The following CCDC148 variants were observed in gnomAD, a reference collection of about 807,000 sequenced individuals.
CCDC148 encodes coiled-coil domain containing 148.
A neutral mutation model predicts 85.7 loss-of-function variants in CCDC148; 89 were observed. That is an observed-to-expected ratio of 1.04 (90% confidence interval 0.87 to 1.24). CCDC148 has a LOEUF of 1.24. Among genes scored for constraint, CCDC148 ranks in the 50% most tolerant of loss-of-function variants. The pLI is 0.00. For missense variants in CCDC148, 692 were observed against 671.7 expected, an observed-to-expected ratio of 1.03 and a Z score of -0.33; for synonymous variants, 230 against 213.9, an observed-to-expected ratio of 1.08 and a Z score of -0.66.
At chr2:158,392,462 G>A (rs1685353019) in intron 1 of CCDC148, among the ~76,000 whole-genome samples, 1 of 151,952 alleles carries the variant, frequency 6.6e-6, no homozygotes, top group African/African-American at 2.4e-5. Context: ...GCACCAATAT[G>A]ATATTCAAAA....
intron 2 of CCDC148, among the ~76,000 whole-genome samples, chr2:158,350,047 T>C (rs1683182643): frequency 6.6e-6 from 1 of 152,172 alleles, no homozygotes; most frequent in Non-Finnish European, 1.5e-5. Context: ...TCTTCCTGAA[T>C]TACATTCCAC....
At chr2:158,194,093 T>C (rs780716541) in intron 11 of CCDC148, among the ~76,000 whole-genome samples, 3 of 152,074 alleles carry the variant, frequency 2.0e-5, no homozygotes, top group Non-Finnish European at 4.4e-5. Context: ...AGTATAAAAA[T>C]AAGTTATTAC....
At chr2:158,332,165 T>C (rs1471854680) in intron 7 of CCDC148, among the ~76,000 whole-genome samples, 2 of 152,244 alleles carry the variant, frequency 1.3e-5, no homozygotes, top group East Asian at 3.9e-4. Flanking sequence ...TTTCCATGTT[T>C]AGTGTTTCCT....
rs76716358 is a variant in CCDC148, at chr2:158,411,667, A to C, written c.25+44748T>G. 7.9e-5 allele frequency among the ~76,000 whole-genome samples: 12 copies of C among 152,248 alleles called. No homozygotes were observed. The East Asian group carries it at 2.3e-3, about 29-fold the overall frequency. On this transcript the variant is annotated intron_variant, in intron 1 of 13. Coordinates refer to ENST00000283233, the MANE Select transcript of CCDC148 (RefSeq NM_138803.4). ...AACAAATTATTTTAAATTTTTTGTC[A>C]GGCAATTTGTAGATCCCCATTTCTT...
At chr2:158,178,821 C>T in intron 12 of CCDC148, 58 bp downstream of exon 12, 8 of 1,176,434 alleles carry the variant, frequency 6.8e-6, no homozygotes, top group Non-Finnish European at 1.0e-5. Context: ...CTATTAAGAG[C>T]ACTTAGAAAC....
At chr2:158,284,645 T>G (rs1441294370) in intron 9 of CCDC148, among the ~76,000 whole-genome samples, 1 of 152,240 alleles carries the variant, frequency 6.6e-6, no homozygotes, top group Non-Finnish European at 1.5e-5. Flanking sequence ...GGTCCTGGAC[T>G]TTTAATGCTT....
intron 1 of CCDC148, among the ~76,000 whole-genome samples, chr2:158,376,264 TA>T (rs1328393514): frequency 3.3e-5 from 5 of 152,054 alleles, no homozygotes; most frequent in African/African-American, 1.2e-4. Context: ...GAGAGCAGGT[TA>T]AAAGATATGT....
At chr2:158,386,969 CCACAT>C (rs1360985371) in intron 1 of CCDC148, among the ~76,000 whole-genome samples, 1 of 152,126 alleles carries the variant, frequency 6.6e-6, no homozygotes, top group Admixed American at 6.5e-5. Flanking sequence ...TACATTCCAG[CCACAT>C]AACAAGTGTC....
intron 9 of CCDC148, among the ~76,000 whole-genome samples, chr2:158,293,990 CTCCCTCCCTCCCTCCTTCCTTCCTTCCT>C (rs1691030534): frequency 2.7e-5 from 2 of 75,208 alleles, no homozygotes; most frequent in Non-Finnish European, 5.5e-5. Context: ...CCCTCCCTCC[CTCCCTCCCTCCCTCCTTCCTTCCTTCCT>C]TCCTTCCTTC....
intron 1 of CCDC148, among the ~76,000 whole-genome samples, chr2:158,401,445 C>T (rs530311598): frequency 1.2e-4 from 19 of 152,200 alleles, no homozygotes; most frequent in African/African-American, 4.1e-4. Flanking sequence ...CAAAATATCA[C>T]GAAGACAGAA....
At chr2:158,273,814 G>C (rs957263245) in intron 9 of CCDC148, among the ~76,000 whole-genome samples, 1 of 152,054 alleles carries the variant, frequency 6.6e-6, no homozygotes, top group African/African-American at 2.4e-5. Context: ...TGAACTTATA[G>C]GGTCAATTTA....
In CCDC148 at chr2:158,239,780, A is replaced by T. The variant is rs551881407; in HGVS notation, c.1251+10992T>A. ...AAAAGAACCAATATTAAATCTTCAG[A>T]AAATAAGGTCTGAATCCCAGTTTAC... On this transcript the variant is annotated intron_variant, in intron 10 of 13. Coordinates refer to ENST00000283233, the MANE Select transcript of CCDC148 (RefSeq NM_138803.4). 3.6e-4 allele frequency among the ~76,000 whole-genome samples: 55 copies of T among 152,284 alleles called. 1 individual carries two copies. Among genetic ancestry groups the T allele is most frequent in the South Asian group, 1.4e-3 (7 of 4,830 alleles).
At chr2:158,307,487 T>C (rs1006554833) in intron 9 of CCDC148, among the ~76,000 whole-genome samples, 1 of 152,234 alleles carries the variant, frequency 6.6e-6, no homozygotes, top group Non-Finnish European at 1.5e-5. Flanking sequence ...GAAAACTATT[T>C]GGCAGTATTT....
At chr2:158,417,877 T>A (rs768758169) in intron 1 of CCDC148, among the ~76,000 whole-genome samples, 20 of 152,180 alleles carry the variant, frequency 1.3e-4, no homozygotes, top group Non-Finnish European at 1.9e-4. Flanking sequence ...CAGCAGGTGG[T>A]ACAATTAAAG....
chr2:158,403,031 A>T (rs1188329536), intron 1 of CCDC148, among the ~76,000 whole-genome samples: 1 of 152,146 alleles, frequency 6.6e-6, no homozygotes, highest in Non-Finnish European at 1.5e-5. Flanking sequence ...ACGAAAAGAA[A>T]CAAAAAGAAA....
chr2:158,339,585 TA>T (rs1278337906), intron 5 of CCDC148, among the ~76,000 whole-genome samples: 6 of 152,018 alleles, frequency 3.9e-5, no homozygotes, highest in African/African-American at 1.4e-4. Context: ...GACAAACTAA[TA>T]AAAAAATATG....
At chr2:158,422,597 G>C (rs1196255323) in intron 1 of CCDC148, among the ~76,000 whole-genome samples, 2 of 151,986 alleles carry the variant, frequency 1.3e-5, no homozygotes, top group African/African-American at 4.8e-5. Flanking sequence ...AATTACAAGA[G>C]ATATTTATGA....
rs543244317 is a variant in CCDC148 at position 158,281,404 on chromosome 2, A to C, written c.1110+28029T>G. On this transcript the variant is annotated intron_variant, in intron 9 of 13. Transcript: ENST00000283233. The stretch of plus-strand genomic sequence containing the variant: ...GGCAGACTAATAAAGTAGAAAAGAG[A>C]GAAGAATCAAATAGACGCAATAAAA... Among the ~76,000 whole-genome samples, 615 of 152,286 alleles carry C rather than the reference A, an allele frequency of 4.0e-3. 2 individuals are homozygous for C. The highest frequency in any genetic ancestry group is 0.014 in the African/African-American group (578 of 41,564).
chr2:158,353,309 A>G (rs1011472686), intron 2 of CCDC148, among the ~76,000 whole-genome samples: 1 of 145,380 alleles, frequency 6.9e-6, no homozygotes, highest in African/African-American at 2.5e-5. Context: ...AAGACCCATC[A>G]GTGTGCTGTA....
Sources: allele counts gnomAD v4.1 joint callset (sites outside exome capture counted in the v4.1 genomes callset), GRCh38; gene constraint gnomAD v4.1.1; transcripts MANE v1.5; gene names NCBI Gene and HGNC (gene_info 2026-07-23, HGNC 2026-07-21).